Variants in BARD1 observed in about 807,000 individuals in gnomAD.
BARD1 encodes the protein BRCA1-associated RING domain protein 1.
In BARD1, 73 loss-of-function variants were observed where a neutral mutation model predicts 77.0. That is an observed-to-expected ratio of 0.95 (90% CI 0.79 to 1.15). The LOEUF is 1.15. BARD1 is among the 50% of genes most tolerant of loss of function. BARD1 has a pLI of 0.00. For synonymous variants in BARD1, 384 were observed against 338.0 expected (o/e 1.14, Z -1.49); for missense variants, 993 against 938.8 (o/e 1.06, Z -0.75).
chr2:214,746,069 T>C (rs564592995), intron 7 of BARD1, among the ~76,000 whole-genome samples: 1 of 152,194 alleles, frequency 6.6e-6, no homozygotes, highest in African/African-American at 2.4e-5. Flanking sequence ...TAGCTCTCTA[T>C]ACCCAGGGCA....
intron 9 of BARD1, among the ~76,000 whole-genome samples, chr2:214,744,825 G>T (rs1693021106): frequency 6.6e-6 from 1 of 152,024 alleles, no homozygotes; most frequent in Non-Finnish European, 1.5e-5. Flanking sequence ...TAGAGACAGG[G>T]CTTCACCGTG....
intron 4 of BARD1, among the ~76,000 whole-genome samples, chr2:214,773,074 A>C (rs1441017995): frequency 6.6e-6 from 1 of 152,190 alleles, no homozygotes. Context: ...TGTGTGTCCC[A>C]CTGAATCTTT....
At chr2:214,795,292 G>A (rs1695709192) in intron 2 of BARD1, among the ~76,000 whole-genome samples, 1 of 152,128 alleles carries the variant, frequency 6.6e-6, no homozygotes, top group African/African-American at 2.4e-5. Context: ...GAAATAGCAA[G>A]TGCCAAAGTC....
intron 1 of BARD1, among the ~76,000 whole-genome samples, chr2:214,800,209 CAT>C (rs1253901921): frequency 7.9e-5 from 12 of 152,312 alleles, no homozygotes; most frequent in Admixed American, 3.3e-4. Flanking sequence ...AATGATTTAA[CAT>C]GTGGGAATAA....
chr2:214,762,493 T>C (rs1694009681), intron 6 of BARD1, among the ~76,000 whole-genome samples: 2 of 152,138 alleles, frequency 1.3e-5, no homozygotes, highest in Non-Finnish European at 2.9e-5. Context: ...CTTAAACAAA[T>C]GGAGACATGC....
rs1039799564 is a variant in BARD1 at position 214,797,113 on chromosome 2, T to A, written c.163A>T (p.Asn55Tyr). The A allele has an allele frequency of 6.2e-7, 1 of 1,612,388 alleles. No individual in the cohort carries two copies. Among genetic ancestry groups the A allele is most frequent in the Non-Finnish European group, 8.5e-7 (1 of 1,178,696 alleles). Residue 55 changes from asparagine to tyrosine, a missense_variant, in exon 2 of 11, where the codon AAC becomes TAC. Physicochemically the swap from Asn to Tyr is moderately radical, Grantham distance 143. Coordinates refer to ENST00000260947, the MANE Select transcript of BARD1 (RefSeq NM_000465.4). ...AAACACACAGGCTCTCTCAGAATGTTAGTACTGTTTGAAGAAATTAAAACA... is the reference window on the plus strand; with the variant it reads ...AAACACACAGGCTCTCTCAGAATGTAAGTACTGTTTGAAGAAATTAAAACA... ...EKLLRCSRCT[N>Y]ILREPVCLGG...
chr2:214,738,785 A>G (rs1359197489), intron 9 of BARD1, among the ~76,000 whole-genome samples: 2 of 152,200 alleles, frequency 1.3e-5, no homozygotes, highest in Admixed American at 6.5e-5. Context: ...TTAACTCTGC[A>G]TGGAAAGCCA....
chr2:214,745,236 T>G, intron 8 of BARD1, 77 bp from the exon 9 acceptor site: 1 of 1,274,008 alleles, frequency 7.8e-7, no homozygotes, highest in Non-Finnish European at 1.1e-6. Context: ...TTATAACTCA[T>G]CTATATTTTG....
At chr2:214,735,589 A>T (rs1692536148) in intron 9 of BARD1, among the ~76,000 whole-genome samples, 1 of 152,182 alleles carries the variant, frequency 6.6e-6, no homozygotes, top group African/African-American at 2.4e-5. Flanking sequence ...CAACTTGCTT[A>T]AAGCTGAATG....
At chr2:214,788,186 A>T (rs908354418) in intron 3 of BARD1, among the ~76,000 whole-genome samples, 5 of 149,908 alleles carry the variant, frequency 3.3e-5, no homozygotes, top group South Asian at 2.1e-4. Context: ...TAATCAAAGT[A>T]TTTTTTTTTT....
rs587781806 is a variant in BARD1 at position 214,781,436 on chromosome 2, C to T, written c.438G>A (p.Trp146Ter). ...TGACTTTCTTACTTCGAGGGCTAAA[C>T]CACATTTTAATTGAATTCTTCTTGT... ...AGNKKNSIKM[W>*]FSPRSKKVRY... Residue 146 changes from tryptophan (W) to a stop codon, truncating the protein, a stop_gained, in exon 4 of 11, where the codon TGG (tryptophan) becomes TGA (stop). Coordinates refer to ENST00000260947, the MANE Select transcript of BARD1 (RefSeq NM_000465.4). LOFTEE classifies it high-confidence loss of function. The T allele has an allele frequency of 1.2e-6, 2 of 1,613,446 alleles. No individual in the cohort carries two copies. The highest frequency in any genetic ancestry group is 2.2e-5 in the East Asian group (1 of 44,854).
intron 6 of BARD1, among the ~76,000 whole-genome samples, chr2:214,765,444 G>A (rs1460823152): frequency 6.6e-6 from 1 of 152,130 alleles, no homozygotes; most frequent in Non-Finnish European, 1.5e-5. Flanking sequence ...AAATGCAGCA[G>A]GCATCACCCA....
At position 214,728,772 on chromosome 2, in the gene BARD1, G is replaced by T. The variant is rs778334836; in HGVS notation, c.2238C>A (p.His746Gln). ...YIIYEDLCNY[H>Q]PERVRQGKVW... ...CTTTGCCCTGCCGAACCCTCTCTGGGTGATAATTACACAAATCTTCATAGA... is the reference window on the plus strand; with the variant it reads ...CTTTGCCCTGCCGAACCCTCTCTGGTTGATAATTACACAAATCTTCATAGA... Residue 746 changes from histidine (H) to glutamine (Q), a missense_variant, in exon 11 of 11, where the codon CAC becomes CAA. Coordinates refer to ENST00000260947, the MANE Select transcript of BARD1 (RefSeq NM_000465.4). 1 of 1,614,152 alleles carries T rather than the reference G, an allele frequency of 6.2e-7. No homozygotes were observed. The highest frequency in any genetic ancestry group is 8.5e-7 in the Non-Finnish European group (1 of 1,180,024).
chr2:214,768,211 C>T (rs538957362), intron 5 of BARD1, among the ~76,000 whole-genome samples: 17 of 152,260 alleles, frequency 1.1e-4, no homozygotes, highest in Middle Eastern at 3.4e-3. Context: ...TTCAAAGATG[C>T]CTTACATCCA....
At chr2:214,763,261 A>G (rs1574779031) in intron 6 of BARD1, among the ~76,000 whole-genome samples, 1 of 152,122 alleles carries the variant, frequency 6.6e-6, no homozygotes, top group East Asian at 1.9e-4. Context: ...CTCTGGTCTT[A>G]CTTTCAGCCC....
intron 9 of BARD1, among the ~76,000 whole-genome samples, chr2:214,733,320 C>A (rs1692438279): frequency 6.6e-6 from 1 of 152,028 alleles, no homozygotes; most frequent in Non-Finnish European, 1.5e-5. Context: ...GCAACAAGAC[C>A]CAAGTCTAAA....
Position 214,728,760 on chromosome 2 carries a change from A to C in BARD1, c.2250T>G (p.Val750=), listed in dbSNP as rs1574702229. 11 of 1,614,216 alleles carry C rather than the reference A, an allele frequency of 6.8e-6. No homozygotes were observed. The highest frequency in any genetic ancestry group is 8.5e-6 in the Non-Finnish European group (10 of 1,180,034). The stretch of plus-strand genomic sequence containing the variant: ...GAGCCTTCCAGACTTTGCCCTGCCG[A>C]ACCCTCTCTGGGTGATAATTACACA... ...EDLCNYHPER[V]RQGKVWKAPS... The change falls in exon 11 of 11, where the codon GTT becomes GTG. Residue 750 remains valine (V), a synonymous_variant. Coordinates refer to ENST00000260947, the MANE Select transcript of BARD1 (RefSeq NM_000465.4).
chr2:214,787,529 T>C (rs1045025943), intron 3 of BARD1, among the ~76,000 whole-genome samples: 2 of 151,964 alleles, frequency 1.3e-5, no homozygotes, highest in African/African-American at 4.8e-5. Context: ...AATCACATTA[T>C]TAACAGCTAC....
rs201841770 is a variant in BARD1 at position 214,767,598 on chromosome 2, C to T, written c.1452G>A (p.Lys484=). The stretch of plus-strand genomic sequence containing the variant: ...GATACCCGGTGGTGTTCACCAATGC[C>T]TTATGCTGGAGCAATAATTCCACTA... ...LKVVELLLQH[K]ALVNTTGYQN... The change falls in exon 6 of 11, where the codon AAG becomes AAA. Residue 484 remains lysine (K), a synonymous_variant. Coordinates refer to ENST00000260947, the MANE Select transcript of BARD1 (RefSeq NM_000465.4). 2.1e-5 allele frequency: 34 copies of T among 1,613,936 alleles called. No individual in the cohort carries two copies. Among genetic ancestry groups the T allele is most frequent in the Non-Finnish European group, 2.9e-5 (34 of 1,179,980 alleles).
Sources: gnomAD v4.1 joint callset for allele counts (sites outside exome capture counted in the v4.1 genomes callset) on GRCh38, gnomAD v4.1.1 for gene constraint, MANE v1.5 for transcripts, NCBI Gene and HGNC (gene_info 2026-07-23, HGNC 2026-07-21) for gene names.